Variants in JPH2 observed in about 807,000 individuals in gnomAD.
JPH2 encodes the protein junctophilin-2.
Under a neutral mutation model 55.9 loss-of-function variants are expected in JPH2, and 38 were observed. The observed-to-expected ratio is 0.68, with a 90% confidence interval of 0.52 to 0.89. The LOEUF (loss-of-function observed/expected upper bound fraction) is 0.89. JPH2 is among the 40% of genes least tolerant of loss of function. The pLI, the probability that JPH2 is intolerant of heterozygous loss-of-function variation, is 0.00. For missense variants in JPH2, 964 were observed against 1,037.6 expected (o/e 0.93, Z 0.97); for synonymous variants, 480 against 472.4 (o/e 1.02, Z -0.21).
At chr20:44,179,819 G>A (rs550028461) in intron 1 of JPH2, among the ~76,000 whole-genome samples, 2 of 152,210 alleles carry the variant, frequency 1.3e-5, no homozygotes, top group African/African-American at 4.8e-5. Context: ...CTTCTTATTA[G>A]CTGGACGACC....
intron 1 of JPH2, among the ~76,000 whole-genome samples, chr20:44,182,380 C>T (rs117699520): frequency 4.6e-5 from 7 of 152,254 alleles, no homozygotes; most frequent in Non-Finnish European, 1.0e-4. Flanking sequence ...TTTCCAGGGC[C>T]GCTGGATGTG....
At chr20:44,133,907 A>T (rs5014519) in intron 2 of JPH2, among the ~76,000 whole-genome samples, 2,580 of 25,726 alleles carry the variant, frequency 0.1, 260 homozygotes, top group East Asian at 0.22. Context: ...TATATAAATA[A>T]ATATACATTA....
At chr20:44,119,906 C>T (rs1280523655) in intron 2 of JPH2, among the ~76,000 whole-genome samples, 2 of 151,664 alleles carry the variant, frequency 1.3e-5, no homozygotes, top group African/African-American at 2.4e-5. Flanking sequence ...TCCTGCCCTG[C>T]CTACCCCTAA....
chr20:44,171,672 C>A (rs573486140), intron 1 of JPH2, among the ~76,000 whole-genome samples: 1 of 152,270 alleles, frequency 6.6e-6, no homozygotes, highest in South Asian at 2.1e-4. Context: ...CCTGCCTGTG[C>A]GGCCTCCCCT....
At chr20:44,152,634 C>T (rs1229089486) in intron 2 of JPH2, among the ~76,000 whole-genome samples, 1 of 152,194 alleles carries the variant, frequency 6.6e-6, no homozygotes, top group Non-Finnish European at 1.5e-5. Flanking sequence ...CAAAGATGGG[C>T]AATTACCAAG....
chr20:44,118,652 G>C (rs2072212240), intron 2 of JPH2, 29 bp from the exon 3 acceptor site: 2 of 1,567,320 alleles, frequency 1.3e-6, no homozygotes, highest in Non-Finnish European at 8.7e-7. Flanking sequence ...AGAAGACTCA[G>C]GATCCTTCCA....
chr20:44,173,055 G>A (rs2072709662), intron 1 of JPH2, among the ~76,000 whole-genome samples: 1 of 152,124 alleles, frequency 6.6e-6, no homozygotes, highest in Non-Finnish European at 1.5e-5. Flanking sequence ...ACTCATGCCT[G>A]GACATAGACC....
chr20:44,116,103 G>A lies in JPH2; in HGVS notation c.1572C>T (p.Val524=), dbSNP rs1050594208. The A allele has an allele frequency of 2.7e-6, 4 of 1,492,710 alleles. No homozygotes were observed. The East Asian group carries it at 1.0e-4, about 39-fold the overall frequency. The allele number at this position is 1,492,710 out of a possible 1,614,324, so 92.5% of individuals were successfully genotyped here. Reference sequence around the variant, plus strand: ...GGCGGCCCGCGCCCTCGGACGGAGTGACTGACCGGCTGCCCTCACCGCTGG... The same window carrying A: ...GGCGGCCCGCGCCCTCGGACGGAGTAACTGACCGGCTGCCCTCACCGCTGG... The part of the protein sequence containing the change: ...GEPSGEGSRS[V]TPSEGAGRRS... Residue 524 remains valine, a synonymous_variant, in exon 4 of 6, where the codon GTC becomes GTT. Transcript: ENST00000372980.
intron 1 of JPH2, among the ~76,000 whole-genome samples, chr20:44,173,799 A>G: frequency 6.6e-6 from 1 of 152,184 alleles, no homozygotes; most frequent in Non-Finnish European, 1.5e-5. Flanking sequence ...CTGTAATCCC[A>G]GCTACTCAGG....
At chr20:44,120,080 C>G (rs751510352) in intron 2 of JPH2, among the ~76,000 whole-genome samples, 8 of 152,084 alleles carry the variant, frequency 5.3e-5, no homozygotes, top group Non-Finnish European at 7.4e-5. Context: ...TCCTTCCCTA[C>G]GCCATCCTGC....
chr20:44,129,849 G>A (rs2072304787), intron 2 of JPH2, among the ~76,000 whole-genome samples: 1 of 152,086 alleles, frequency 6.6e-6, no homozygotes, highest in Non-Finnish European at 1.5e-5. Context: ...GTGATGATGG[G>A]AGCAGAGATG....
At chr20:44,186,256 C>A in intron 1 of JPH2, 71 bp downstream of exon 1, 1 of 1,564,818 alleles carries the variant, frequency 6.4e-7, no homozygotes, top group Non-Finnish European at 8.7e-7. Context: ...GGTCGCCTTT[C>A]CCACCCTCCA....
At chr20:44,116,481 G>A in intron 3 of JPH2, 95 bp from the exon 4 acceptor site, 1 of 1,411,886 alleles carries the variant, frequency 7.1e-7, no homozygotes, top group Admixed American at 2.0e-5. Context: ...TCATTCATGG[G>A]CTCAGTCGGC....
At chr20:44,135,040 C>T (rs1398627294) in intron 2 of JPH2, among the ~76,000 whole-genome samples, 2 of 148,938 alleles carry the variant, frequency 1.3e-5, no homozygotes, top group African/African-American at 5.0e-5. Context: ...CTGGGGGGCT[C>T]AGGGAGGCTG....
intron 2 of JPH2, among the ~76,000 whole-genome samples, chr20:44,134,704 A>T (rs567501015): frequency 2.9e-5 from 1 of 34,026 alleles, no homozygotes; most frequent in African/African-American, 1.3e-4. Context: ...TATATACATT[A>T]ATATATATTA....
chr20:44,133,582 C>T (rs1436081460), intron 2 of JPH2, among the ~76,000 whole-genome samples: 9 of 151,902 alleles, frequency 5.9e-5, no homozygotes, highest in East Asian at 1.9e-4. Flanking sequence ...TGTGCCCAGC[C>T]GACTGACTGG....
chr20:44,145,422 T>C (rs949621041), intron 2 of JPH2, among the ~76,000 whole-genome samples: 14 of 151,886 alleles, frequency 9.2e-5, no homozygotes, highest in African/African-American at 3.1e-4. Flanking sequence ...CTGGCCAACA[T>C]AGTGAAACCC....
At chr20:44,185,006 C>A (rs2072820352) in intron 1 of JPH2, among the ~76,000 whole-genome samples, 1 of 152,126 alleles carries the variant, frequency 6.6e-6, no homozygotes, top group African/African-American at 2.4e-5. Context: ...GAACTCCTGG[C>A]CTCAAGTGAT....
chr20:44,118,888 T>C (rs114827933), intron 2 of JPH2, among the ~76,000 whole-genome samples: 12 of 152,372 alleles, frequency 7.9e-5, no homozygotes, highest in African/African-American at 2.9e-4. Context: ...CAGTGCATTA[T>C]GGGAAGACAT....
Sources: allele counts gnomAD v4.1 joint callset (sites outside exome capture counted in the v4.1 genomes callset), GRCh38; gene constraint gnomAD v4.1.1; transcripts MANE v1.5; gene names NCBI Gene and HGNC (gene_info 2026-07-23, HGNC 2026-07-21).